The following SERPINB8 variants were observed in gnomAD, a reference collection of about 807,000 sequenced individuals.
SERPINB8 encodes serpin B8.
In SERPINB8, 25 loss-of-function variants were observed where a neutral mutation model predicts 35.3. That is an observed-to-expected ratio of 0.71 (90% confidence interval 0.52 to 0.99). The LOEUF is 0.99. SERPINB8 is among the 50% of genes least tolerant of loss of function. The pLI, the probability that SERPINB8 is intolerant of heterozygous loss-of-function variation, is 0.00. For missense variants in SERPINB8, 484 were observed against 446.5 expected (o/e 1.08, Z -0.76); for synonymous variants, 186 against 160.8 (o/e 1.16, Z -1.19).
At chr18:63,980,611 C>T (rs914634489) in intron 3 of SERPINB8, among the ~76,000 whole-genome samples, 5 of 152,176 alleles carry the variant, frequency 3.3e-5, no homozygotes, top group African/African-American at 1.2e-4. Flanking sequence ...CTGCTGGGTG[C>T]TGTTCCCGGA....
At chr18:63,990,368 A>C (rs2050818451), downstream of SERPINB8, among the ~76,000 whole-genome samples, 1 of 151,922 alleles carries the variant, frequency 6.6e-6, no homozygotes, top group Admixed American at 6.6e-5. Flanking sequence ...GAGCCACCGC[A>C]CCTGGCCTTT....
intron 7 of SERPINB8, among the ~76,000 whole-genome samples, chr18:64,014,990 C>G (rs541131364): frequency 6.6e-6 from 1 of 152,160 alleles, no homozygotes; most frequent in Admixed American, 6.5e-5. Flanking sequence ...TATCTTTTCT[C>G]CTATCTATAA....
chr18:64,014,274 G>T (rs2050939581), intron 7 of SERPINB8, among the ~76,000 whole-genome samples: 1 of 152,162 alleles, frequency 6.6e-6, no homozygotes. Flanking sequence ...AATAGTGAGG[G>T]CAGATAAATT....
chr18:63,978,251 C>T, intron 1 of SERPINB8, 48 bp from the exon 2 acceptor site: 1 of 1,591,020 alleles, frequency 6.3e-7, no homozygotes, highest in Middle Eastern at 1.8e-4. Context: ...TGCGTGGCTA[C>T]CGGAGTCATT....
downstream of SERPINB8, among the ~76,000 whole-genome samples, chr18:63,989,588 T>C (rs1446982619): frequency 6.6e-6 from 1 of 152,202 alleles, no homozygotes; most frequent in Admixed American, 6.5e-5. Flanking sequence ...GTGTTGTTAC[T>C]TTCAGCGTGT....
chr18:63,980,304 C>G (rs868228839), intron 3 of SERPINB8, among the ~76,000 whole-genome samples: 1 of 152,134 alleles, frequency 6.6e-6, no homozygotes. Context: ...TAAATTTGCC[C>G]GCCCTCTTCT....
chr18:64,005,741 T>C (rs2050897081), downstream of SERPINB8: 1 of 152,172 alleles, frequency 6.6e-6, no homozygotes, highest in African/African-American at 2.4e-5. Context: ...TCAATGCTAT[T>C]ACTATAGGGG....
intron 1 of SERPINB8, among the ~76,000 whole-genome samples, chr18:63,975,112 T>TAC (rs60613919): frequency 0.065 from 9,646 of 147,414 alleles, 370 homozygotes; most frequent in Non-Finnish European, 0.095. Flanking sequence ...TAAACACACC[T>TAC]ACACACACAC....
intron 7 of SERPINB8, among the ~76,000 whole-genome samples, chr18:64,016,136 C>A (rs2050948963): frequency 6.6e-6 from 1 of 152,206 alleles, no homozygotes; most frequent in Non-Finnish European, 1.5e-5. Context: ...GAGGGGAGAG[C>A]TGACCCAGTA....
At position 63,970,263 on chromosome 18, in the gene SERPINB8, G is replaced by C. The variant is rs686941; in HGVS notation, c.-11+93G>C. 578 of 183,830 alleles carry C rather than the reference G, an allele frequency of 3.1e-3. 2 individuals are homozygous for C. Among genetic ancestry groups the C allele is most frequent in the African/African-American group, 0.013 (554 of 41,836 alleles). 11.4% of individuals were successfully genotyped at this position (183,830 alleles called of 1,614,324 possible). A position where few individuals can be genotyped will look rare whatever the true frequency, so the allele number is the denominator to read the frequency against. ...TCTTCCCTGGAGTGCGTGAGAGAGG[G>C]GAAGGGAGGAAGGCCAGAGCAGGAA... On this transcript the variant is annotated intron_variant, in intron 1 of 6. Transcript: ENST00000397985.
chr18:63,978,556 T>C, intron 2 of SERPINB8, 80 bp downstream of exon 2: 1 of 1,530,876 alleles, frequency 6.5e-7, no homozygotes, highest in Non-Finnish European at 8.9e-7. Flanking sequence ...GTACTTTTGC[T>C]CTAGCTGAGG....
chr18:63,981,182 G>A (rs1009047983), intron 3 of SERPINB8, among the ~76,000 whole-genome samples: 7 of 152,156 alleles, frequency 4.6e-5, no homozygotes, highest in Non-Finnish European at 7.3e-5. Flanking sequence ...GGCCTATCAC[G>A]CTCCATTCCC....
intron 1 of SERPINB8, 75 bp downstream of exon 1, chr18:63,970,245 T>C: frequency 4.6e-6 from 1 of 217,022 alleles, no homozygotes; most frequent in Non-Finnish European, 9.4e-6. Flanking sequence ...ACCTCTTCCC[T>C]GGAGTGCGTG....
At chr18:63,999,552 A>G (rs1410088560) in intron 1 of SERPINB8, among the ~76,000 whole-genome samples, 2 of 152,066 alleles carry the variant, frequency 1.3e-5, no homozygotes, top group African/African-American at 4.8e-5. Flanking sequence ...CAGACTCTTC[A>G]GTTCCACTCA....
At chr18:64,006,917 A>T (rs556188740), downstream of SERPINB8, among the ~76,000 whole-genome samples, 1 of 152,306 alleles carries the variant, frequency 6.6e-6, no homozygotes, top group South Asian at 2.1e-4. Flanking sequence ...CATCCAACTT[A>T]ATTAGAAATG....
chr18:64,011,301 T>C lies in SERPINB8; in HGVS notation c.*2+6421T>C, dbSNP rs2050924847. ...CAAAAAGACATCAGGTGTCAAGCTATTAATATAAAAAAGTAGACTTCAATG... is the reference window on the plus strand; with the variant it reads ...CAAAAAGACATCAGGTGTCAAGCTACTAATATAAAAAAGTAGACTTCAATG... On this transcript the variant is annotated intron_variant, in intron 7 of 7. Coordinates refer to the SERPINB8 transcript ENST00000636430. Among the ~76,000 whole-genome samples the C allele has an allele frequency of 2.0e-5, 3 of 152,006 alleles. No homozygotes were observed. In the South Asian group the frequency reaches 6.2e-4, roughly 31 times the overall value.
downstream of SERPINB8, chr18:63,989,376 A>G (rs2050807857): frequency 6.6e-6 from 1 of 152,210 alleles, no homozygotes. Context: ...ATATATATAC[A>G]TCTTTGTATG....
At chr18:63,999,263 A>G (rs2050863614) in intron 1 of SERPINB8, among the ~76,000 whole-genome samples, 1 of 152,194 alleles carries the variant, frequency 6.6e-6, no homozygotes, top group African/African-American at 2.4e-5. Context: ...CCTTGACCCC[A>G]TATGTAAATC....
intron 6 of SERPINB8, chr18:63,986,357 C>G: frequency 1.3e-6 from 2 of 1,586,768 alleles, no homozygotes; most frequent in South Asian, 2.4e-5. Context: ...CATTTCTCGT[C>G]TCATGCTCCC....
Sources: allele counts gnomAD v4.1 joint callset (sites outside exome capture counted in the v4.1 genomes callset), GRCh38; gene constraint gnomAD v4.1.1; transcripts MANE v1.5; gene names NCBI Gene and HGNC (gene_info 2026-07-23, HGNC 2026-07-21).